The following UBTD1 variants were observed in gnomAD, a reference collection of about 807,000 sequenced individuals.
The protein encoded by UBTD1 is ubiquitin domain-containing protein 1.
UBTD1 carries 19 observed loss-of-function variants against 21.7 expected under a neutral mutation model. That is an observed-to-expected ratio of 0.87 (90% CI 0.61 to 1.28). UBTD1 has a LOEUF of 1.28. Ranked by LOEUF, UBTD1 falls within the 50% of genes most tolerant of loss-of-function variation. The pLI, the probability that UBTD1 is intolerant of heterozygous loss-of-function variation, is 0.00. For missense variants in UBTD1, 282 were observed against 315.1 expected, an observed-to-expected ratio of 0.89 and a Z score of 0.80; for synonymous variants, 116 against 135.1, an observed-to-expected ratio of 0.86 and a Z score of 0.98.
chr10:97,568,430 T>A (rs1350516838), intron 2 of UBTD1, among the ~76,000 whole-genome samples: 1 of 152,148 alleles, frequency 6.6e-6, no homozygotes, highest in Non-Finnish European at 1.5e-5. Context: ...TTTTATTTTT[T>A]TTTTTGAGAT....
chr10:97,516,276 C>T (rs1012190061), intron 1 of UBTD1, among the ~76,000 whole-genome samples: 13 of 152,342 alleles, frequency 8.5e-5, no homozygotes, highest in Middle Eastern at 3.4e-3. Context: ...TGTGTGGCCT[C>T]TCTGCTTTTG....
At chr10:97,559,613 A>T (rs925854930) in intron 1 of UBTD1, among the ~76,000 whole-genome samples, 19 of 152,156 alleles carry the variant, frequency 1.2e-4, no homozygotes, top group South Asian at 8.3e-4. Flanking sequence ...TTAATATTAA[A>T]CTTAATTTTA....
intron 1 of UBTD1, among the ~76,000 whole-genome samples, chr10:97,522,773 A>T (rs1345659088): frequency 1.6e-4 from 24 of 152,178 alleles, no homozygotes; most frequent in Non-Finnish European, 1.5e-5. Flanking sequence ...ATAGACATGT[A>T]GGAGCCATTT....
intron 1 of UBTD1, among the ~76,000 whole-genome samples, chr10:97,520,762 G>A (rs1324080964): frequency 2.0e-5 from 3 of 152,142 alleles, no homozygotes; most frequent in African/African-American, 7.2e-5. Context: ...GGCACAGCTG[G>A]AGAGAGAAAG....
chr10:97,550,762 C>T (rs1188371772), intron 1 of UBTD1, among the ~76,000 whole-genome samples: 1 of 152,204 alleles, frequency 6.6e-6, no homozygotes, highest in East Asian at 1.9e-4. Context: ...CACACTCACA[C>T]TCATAGATGC....
intron 1 of UBTD1, among the ~76,000 whole-genome samples, chr10:97,529,719 TGAGAGGGAGACCGTGGAAAGAGAGG>T (rs71824395): frequency 0.42 from 63,111 of 150,838 alleles, 14,191 homozygotes; most frequent in Non-Finnish European, 0.51. Context: ...CGGCTCGGCA[TGAGAGGGAGACCGTGGAAAGAGAGG>T]GAGAGGGAGA....
chr10:97,519,216 C>T (rs964409534), intron 1 of UBTD1, among the ~76,000 whole-genome samples: 1 of 152,238 alleles, frequency 6.6e-6, no homozygotes, highest in Non-Finnish European at 1.5e-5. Context: ...TCTCCTTTCT[C>T]TGTATCCCAA....
At chr10:97,538,017 G>C (rs996584011) in intron 1 of UBTD1, among the ~76,000 whole-genome samples, 2 of 151,720 alleles carry the variant, frequency 1.3e-5, no homozygotes, top group African/African-American at 4.8e-5. Flanking sequence ...GTAGAGATGG[G>C]CTTTCACCAT....
At position 97,499,239 on chromosome 10, in the gene UBTD1, G is replaced by A. The variant is rs755067823; in HGVS notation, c.36G>A (p.Arg12=). 1.4e-5 allele frequency: 22 copies of A among 1,548,412 alleles called. No homozygotes were observed. The South Asian group carries it at 2.3e-4, about 16-fold the overall frequency. ...GCGTGGGGAGACAGCGCCGGGAGAG[G>A]CCGGCAGCCCCGGGACACCCCCGCA... The part of the protein sequence containing the change: ...GNCVGRQRRE[R]PAAPGHPRKR... Residue 12 remains arginine, a synonymous_variant, in exon 1 of 3, where the codon AGG becomes AGA. Transcript: ENST00000370664.
intron 1 of UBTD1, among the ~76,000 whole-genome samples, chr10:97,532,922 G>A (rs1253488298): frequency 1.3e-5 from 2 of 152,222 alleles, no homozygotes. Context: ...GGGCAGCCTG[G>A]AGTCTGGCGC....
chr10:97,569,010 A>G (rs538878683), intron 2 of UBTD1, among the ~76,000 whole-genome samples: 1 of 152,276 alleles, frequency 6.6e-6, no homozygotes, highest in Admixed American at 6.5e-5. Context: ...TTTAGTAGAG[A>G]CAGGGTTTCT....
intron 1 of UBTD1, among the ~76,000 whole-genome samples, chr10:97,533,013 T>C (rs999644993): frequency 1.3e-5 from 2 of 152,200 alleles, no homozygotes; most frequent in Non-Finnish European, 2.9e-5. Context: ...GCATCCACTT[T>C]CCCAGCTGGA....
At chr10:97,544,048 G>A (rs1282440716) in intron 1 of UBTD1, among the ~76,000 whole-genome samples, 2 of 152,088 alleles carry the variant, frequency 1.3e-5, no homozygotes, top group Non-Finnish European at 2.9e-5. Flanking sequence ...TTGAGAAGCC[G>A]AGGCAGGCAG....
chr10:97,523,888 A>T (rs1392958376), intron 1 of UBTD1, among the ~76,000 whole-genome samples: 1 of 151,972 alleles, frequency 6.6e-6, no homozygotes, highest in East Asian at 1.9e-4. Flanking sequence ...TGGCAGCTGG[A>T]GCCAGTGAGA....
At chr10:97,537,527 G>A (rs375043684) in intron 1 of UBTD1, among the ~76,000 whole-genome samples, 12 of 152,304 alleles carry the variant, frequency 7.9e-5, no homozygotes, top group East Asian at 5.8e-4. Context: ...AAACTGAGGC[G>A]CAAAGCTTGT....
intron 1 of UBTD1, among the ~76,000 whole-genome samples, chr10:97,501,570 G>A (rs533457246): frequency 1.9e-4 from 29 of 152,218 alleles, no homozygotes; most frequent in Admixed American, 1.1e-3. Flanking sequence ...TCCAGCCTGG[G>A]TGACAGAGCG....
intron 1 of UBTD1, among the ~76,000 whole-genome samples, chr10:97,538,950 C>T (rs1473557896): frequency 6.6e-6 from 1 of 152,152 alleles, no homozygotes; most frequent in Non-Finnish European, 1.5e-5. Context: ...GCCCTGGGAA[C>T]CATGTTACAG....
intron 1 of UBTD1, among the ~76,000 whole-genome samples, chr10:97,514,640 C>G (rs754700003): frequency 1.3e-5 from 2 of 152,056 alleles, no homozygotes; most frequent in Non-Finnish European, 2.9e-5. Flanking sequence ...TCAGGAGCCC[C>G]GAGGAACCGG....
At chr10:97,567,262 A>G (rs1456851621) in intron 1 of UBTD1, among the ~76,000 whole-genome samples, 1 of 151,478 alleles carries the variant, frequency 6.6e-6, no homozygotes, top group East Asian at 2.0e-4. Context: ...TTGTAGAAAC[A>G]GGGTTTTACC....
Sources: gnomAD v4.1 joint callset for allele counts (sites outside exome capture counted in the v4.1 genomes callset) on GRCh38, gnomAD v4.1.1 for gene constraint, MANE v1.5 for transcripts, NCBI Gene and HGNC (gene_info 2026-07-23, HGNC 2026-07-21) for gene names.